Variants in COPS4 observed in about 807,000 individuals in gnomAD.
COPS4 encodes COP9 signalosome complex subunit 4.
A neutral mutation model predicts 55.1 loss-of-function variants in COPS4; 8 were observed. That is an observed-to-expected ratio of 0.15 (90% CI 0.09 to 0.26). COPS4 has a LOEUF of 0.26. Ranked by LOEUF, COPS4 falls within the 10% of genes least tolerant of loss-of-function variation. The pLI, the probability that COPS4 is intolerant of heterozygous loss-of-function variation, is 1.00. For missense variants in COPS4, 248 were observed against 484.0 expected (o/e 0.51, Z 4.58); for synonymous variants, 185 against 165.7 (o/e 1.12, Z -0.90).
chr4:83,063,252 G>A lies in COPS4; in HGVS notation c.886+6G>A. 1 of 1,611,338 alleles carries A rather than the reference G, an allele frequency of 6.2e-7. No individual in the cohort carries two copies. The highest frequency in any genetic ancestry group is 8.5e-7 in the Non-Finnish European group (1 of 1,178,610). ...AAAAGCAACTACAGCTGATGGTAAT[G>A]ATCCTGTCTTATGTGTATATGGTAG... On this transcript the variant is annotated splice_donor_region_variant and intron_variant, in intron 7 of 9. Transcript: ENST00000264389.
intron 9 of COPS4, among the ~76,000 whole-genome samples, chr4:83,071,575 C>T (rs1200797264): frequency 6.6e-6 from 1 of 152,128 alleles, no homozygotes; most frequent in African/African-American, 2.4e-5. Flanking sequence ...GGTGTACACA[C>T]CGCACCTGGC....
chr4:83,066,663 A>G (rs1731300351), intron 8 of COPS4, 110 bp downstream of exon 8: 2 of 599,172 alleles, frequency 3.3e-6, no homozygotes, highest in East Asian at 3.2e-5. Context: ...TTCCAACAAA[A>G]TAAATGTTGG....
At chr4:83,055,665 A>G (rs185124912) in intron 4 of COPS4, among the ~76,000 whole-genome samples, 2 of 150,982 alleles carry the variant, frequency 1.3e-5, no homozygotes, top group Non-Finnish European at 3.0e-5. Flanking sequence ...CTGGCCTTGA[A>G]CTCCTGACCT....
intron 4 of COPS4, among the ~76,000 whole-genome samples, chr4:83,052,164 C>G (rs550846425): frequency 2.0e-5 from 3 of 152,072 alleles, no homozygotes; most frequent in African/African-American, 7.2e-5. Context: ...TATGGGCTAC[C>G]CTGTGGGGGA....
chr4:83,044,421 G>T (rs1337432854), intron 1 of COPS4, among the ~76,000 whole-genome samples: 1 of 145,802 alleles, frequency 6.9e-6, no homozygotes, highest in Non-Finnish European at 1.5e-5. Context: ...CTCCAGCCTG[G>T]GTGACAGAGC....
chr4:83,049,403 A>C (rs1730801239), intron 3 of COPS4, 86 bp downstream of exon 3: 2 of 1,205,304 alleles, frequency 1.7e-6, no homozygotes, highest in South Asian at 3.2e-5. Flanking sequence ...TAAAGGAGAT[A>C]ATCATCCAAT....
At chr4:83,062,297 C>G (rs993909150) in intron 6 of COPS4, among the ~76,000 whole-genome samples, 10 of 152,092 alleles carry the variant, frequency 6.6e-5, no homozygotes, top group African/African-American at 1.9e-4. Context: ...CCTGTTCTTC[C>G]AACCGCTTGT....
chr4:83,041,471 GC>G (rs1730567271), intron 1 of COPS4, among the ~76,000 whole-genome samples: 1 of 151,860 alleles, frequency 6.6e-6, no homozygotes, highest in Non-Finnish European at 1.5e-5. Flanking sequence ...TATCTACGAA[GC>G]CTTATTTGAC....
chr4:83,057,751 T>C (rs1204706364), intron 6 of COPS4, among the ~76,000 whole-genome samples: 3 of 151,506 alleles, frequency 2.0e-5, no homozygotes, highest in South Asian at 2.1e-4. Flanking sequence ...TGAAACCCCA[T>C]CTCTACTAAA....
intron 6 of COPS4, among the ~76,000 whole-genome samples, chr4:83,061,390 GTA>G (rs1244919999): frequency 6.6e-6 from 1 of 152,014 alleles, no homozygotes; most frequent in Non-Finnish European, 1.5e-5. Flanking sequence ...ATAATGACTA[GTA>G]TATATTAGCC....
chr4:83,068,971 A>C (rs1468281091), intron 9 of COPS4, among the ~76,000 whole-genome samples: 1 of 92 alleles, frequency 0.011, no homozygotes, highest in East Asian at 0.25. Flanking sequence ...CTCTGTCTCA[A>C]AAAAAAAAAA....
At chr4:83,067,833 A>G (rs1560443850) in intron 8 of COPS4, among the ~76,000 whole-genome samples, 1 of 152,158 alleles carries the variant, frequency 6.6e-6, no homozygotes, top group Admixed American at 6.5e-5. Flanking sequence ...GGAGGTGAAT[A>G]TATTTTTAAC....
At chr4:83,038,583 A>G (rs1018530791) in intron 1 of COPS4, among the ~76,000 whole-genome samples, 1 of 152,066 alleles carries the variant, frequency 6.6e-6, no homozygotes, top group Admixed American at 6.6e-5. Flanking sequence ...AACCCCATCC[A>G]ATGATTTCTC....
Position 83,048,881 on chromosome 4 carries a change from G to A in COPS4, c.155-285G>A, listed in dbSNP as rs142334291. Among the ~76,000 whole-genome samples, 8 of 152,108 alleles carry A rather than the reference G, an allele frequency of 5.3e-5. No homozygotes were observed. The East Asian group carries it at 1.5e-3, about 29-fold the overall frequency. ...AGGCTGGTCTCGAACTCCTGACGTCGTGATCTGCCTGCCTCGGCCTCCCAA... is the reference window on the plus strand; with the variant it reads ...AGGCTGGTCTCGAACTCCTGACGTCATGATCTGCCTGCCTCGGCCTCCCAA... On this transcript the variant is annotated intron_variant, in intron 2 of 9. Transcript: ENST00000264389.
Position 83,075,619 on chromosome 4 carries a change from G to C in COPS4, c.*189G>C, listed in dbSNP as rs1731554340. The C allele has an allele frequency of 1.8e-6, 1 of 544,154 alleles. No homozygotes were observed. The highest frequency in any genetic ancestry group is 3.7e-5 in the South Asian group (1 of 26,896). The allele number at this position is 544,154 out of a possible 1,614,324, so 33.7% of individuals were successfully genotyped here. ...AATATGTAGTTCCCATATATTTCAG[G>C]GTCTCTGTGTATTAAGCTAACTCAG... On this transcript the variant is annotated 3_prime_UTR_variant, in exon 10 of 10. Coordinates refer to ENST00000264389, the MANE Select transcript of COPS4 (RefSeq NM_016129.3).
intron 1 of COPS4, among the ~76,000 whole-genome samples, chr4:83,038,054 A>G (rs903181639): frequency 6.6e-6 from 1 of 152,246 alleles, no homozygotes; most frequent in Non-Finnish European, 1.5e-5. Flanking sequence ...GCTTTTGTGC[A>G]TATTATGCAT....
chr4:83,073,397 T>A, intron 9 of COPS4: 1 of 551,522 alleles, frequency 1.8e-6, no homozygotes, highest in Non-Finnish European at 3.4e-6. Context: ...TAGCATTTCA[T>A]TGGATGTATA....
intron 1 of COPS4, among the ~76,000 whole-genome samples, chr4:83,039,977 C>G (rs1730516891): frequency 6.6e-6 from 1 of 152,114 alleles, no homozygotes; most frequent in South Asian, 2.1e-4. Context: ...TTCTGTTTCT[C>G]CTCTAGGCTC....
chr4:83,035,561 G>T, intron 1 of COPS4: 1 of 314,200 alleles, frequency 3.2e-6, no homozygotes, highest in Non-Finnish European at 6.4e-6. Context: ...TGGTCCCTTA[G>T]GATTTTGGAA....
Sources: gnomAD v4.1 joint callset for allele counts (sites outside exome capture counted in the v4.1 genomes callset) on GRCh38, gnomAD v4.1.1 for gene constraint, MANE v1.5 for transcripts, NCBI Gene and HGNC (gene_info 2026-07-23, HGNC 2026-07-21) for gene names.